Variants in FSTL5 observed in about 807,000 individuals in gnomAD.
The protein encoded by FSTL5 is follistatin-related protein 5.
FSTL5 carries 62 observed loss-of-function variants against 89.1 expected under a neutral mutation model. The ratio of observed to expected loss-of-function variants is 0.70; its 90% CI spans 0.57 to 0.86. The LOEUF (loss-of-function observed/expected upper bound fraction) is 0.86, where lower values mean the gene tolerates loss of function less well. FSTL5 is among the 40% of genes least tolerant of loss of function. FSTL5 has a pLI of 0.00. For missense variants in FSTL5, 1,057 were observed against 1,001.6 expected, an observed-to-expected ratio of 1.06 and a Z score of -0.75; for synonymous variants, 383 against 346.2, an observed-to-expected ratio of 1.11 and a Z score of -1.18.
chr4:161,913,393 C>T (rs1317504767), intron 4 of FSTL5, among the ~76,000 whole-genome samples: 3 of 152,128 alleles, frequency 2.0e-5, no homozygotes, highest in African/African-American at 7.2e-5. Context: ...CCAGTCACTC[C>T]AGCCATGGCT....
At chr4:161,459,104 G>A in intron 14 of FSTL5, 108 bp downstream of exon 14, 1 of 752,604 alleles carries the variant, frequency 1.3e-6, no homozygotes, top group Non-Finnish European at 2.2e-6. Context: ...GATTAAAGCT[G>A]TAGTCCTCAG....
chr4:162,024,680 G>A (rs939811166), intron 3 of FSTL5, among the ~76,000 whole-genome samples: 1 of 151,674 alleles, frequency 6.6e-6, no homozygotes, highest in Non-Finnish European at 1.5e-5. Flanking sequence ...ATTTATTTTA[G>A]AGACAGGGTC....
At chr4:162,079,918 G>T (rs1730023336) in intron 2 of FSTL5, among the ~76,000 whole-genome samples, 1 of 151,390 alleles carries the variant, frequency 6.6e-6, no homozygotes, top group Non-Finnish European at 1.5e-5. Context: ...TACACTTCAG[G>T]AAAACAATAA....
At chr4:161,662,384 T>C (rs1255290352) in intron 6 of FSTL5, among the ~76,000 whole-genome samples, 2 of 152,152 alleles carry the variant, frequency 1.3e-5, no homozygotes, top group Non-Finnish European at 2.9e-5. Flanking sequence ...AGATGTATTA[T>C]GTTTATGAAA....
intron 8 of FSTL5, among the ~76,000 whole-genome samples, chr4:161,549,873 T>A (rs1732139423): frequency 6.6e-6 from 1 of 151,962 alleles, no homozygotes; most frequent in Non-Finnish European, 1.5e-5. Context: ...CTCTTATTTT[T>A]TAGTGTCTGG....
intron 4 of FSTL5, among the ~76,000 whole-genome samples, chr4:161,817,828 G>A (rs1730373451): frequency 1.3e-5 from 2 of 152,276 alleles, no homozygotes; most frequent in South Asian, 4.1e-4. Flanking sequence ...AATTTGTATT[G>A]TAAATCTTAG....
chr4:162,041,036 G>GAC (rs1156734326), intron 2 of FSTL5, among the ~76,000 whole-genome samples: 1 of 151,896 alleles, frequency 6.6e-6, no homozygotes, highest in Non-Finnish European at 1.5e-5. Context: ...GATAGGCAGA[G>GAC]ACACACACAG....
chr4:161,506,140 G>T (rs1242599614), intron 11 of FSTL5, among the ~76,000 whole-genome samples: 1 of 147,386 alleles, frequency 6.8e-6, no homozygotes, highest in Non-Finnish European at 1.5e-5. Flanking sequence ...GCAGTGGAGC[G>T]ATCACTGCAG....
intron 7 of FSTL5, among the ~76,000 whole-genome samples, chr4:161,589,110 A>G (rs1022911456): frequency 6.7e-6 from 1 of 149,528 alleles, no homozygotes; most frequent in African/African-American, 2.5e-5. Context: ...TGCCTCAGCC[A>G]CCTGAGTAGC....
chr4:161,903,040 G>A (rs1348210991), intron 4 of FSTL5, among the ~76,000 whole-genome samples: 7 of 152,196 alleles, frequency 4.6e-5, no homozygotes, highest in East Asian at 3.9e-4. Flanking sequence ...TACTAGAAAC[G>A]GAGTTGAATG....
chr4:161,612,272 CAT>C (rs1251233501), intron 7 of FSTL5, among the ~76,000 whole-genome samples: 11 of 152,074 alleles, frequency 7.2e-5, no homozygotes, highest in South Asian at 2.1e-4. Context: ...GTATTGTACT[CAT>C]GTGAATAAAT....
intron 3 of FSTL5, among the ~76,000 whole-genome samples, chr4:162,014,912 A>G (rs574757154): frequency 6.6e-6 from 1 of 152,276 alleles, no homozygotes; most frequent in South Asian, 2.1e-4. Flanking sequence ...CTTTTCCATT[A>G]TTGCATTAAA....
intron 7 of FSTL5, among the ~76,000 whole-genome samples, chr4:161,638,710 GACCAATATCCTTGATGA>G (rs1735828283): frequency 7.5e-6 from 1 of 133,942 alleles, no homozygotes; most frequent in Admixed American, 8.1e-5. Context: ...GAGAATTTTA[GACCAATATCCTTGATGA>G]ACATTGATGC....
At chr4:161,516,554 T>C (rs1730838692) in intron 10 of FSTL5, among the ~76,000 whole-genome samples, 2 of 138,056 alleles carry the variant, frequency 1.4e-5, no homozygotes, top group Admixed American at 1.6e-4. Context: ...GTAAATTATA[T>C]ATATTTCATA....
chr4:161,794,245 A>G (rs1031615605), intron 4 of FSTL5, among the ~76,000 whole-genome samples: 1 of 152,144 alleles, frequency 6.6e-6, no homozygotes. Context: ...AAAGCATTCT[A>G]GATGATTTAT....
intron 6 of FSTL5, among the ~76,000 whole-genome samples, chr4:161,661,934 G>A (rs368032649): frequency 6.6e-6 from 1 of 152,204 alleles, no homozygotes; most frequent in South Asian, 2.1e-4. Flanking sequence ...GAATAATGAG[G>A]AACTGCCCAG....
chr4:161,695,695 T>C (rs758273010), intron 6 of FSTL5, among the ~76,000 whole-genome samples: 1 of 152,152 alleles, frequency 6.6e-6, no homozygotes, highest in African/African-American at 2.4e-5. Context: ...TTTGATTTAT[T>C]TTCATTTCCC....
At chr4:162,010,653 C>G (rs1276822655) in intron 3 of FSTL5, among the ~76,000 whole-genome samples, 1 of 152,198 alleles carries the variant, frequency 6.6e-6, no homozygotes, top group East Asian at 1.9e-4. Flanking sequence ...TATGTATTTA[C>G]AGACTTGCCT....
At position 161,801,253 on chromosome 4, in the gene FSTL5, A is replaced by G. The variant is rs542672897; in HGVS notation, c.410-25179T>C. On this transcript the variant is annotated intron_variant, in intron 4 of 15. Coordinates refer to ENST00000306100, the MANE Select transcript of FSTL5 (RefSeq NM_020116.5). ...TAGTACAAAACTGCATATTTCCTAT[A>G]TGAACTATATTATTTCTTCTCTTTA... 3.3e-5 allele frequency among the ~76,000 whole-genome samples: 5 copies of G among 151,722 alleles called. No homozygotes were observed. In the East Asian group the frequency reaches 9.6e-4, roughly 29 times the overall value.
Sources: allele counts gnomAD v4.1 joint callset (sites outside exome capture counted in the v4.1 genomes callset), GRCh38; gene constraint gnomAD v4.1.1; transcripts MANE v1.5; gene names NCBI Gene and HGNC (gene_info 2026-07-23, HGNC 2026-07-21).